The following UNKL variants were observed in gnomAD, a reference collection of about 807,000 sequenced individuals.
The protein encoded by UNKL is unk like zinc finger.
In UNKL, 60 loss-of-function variants were observed where a neutral mutation model predicts 78.0. That is an observed-to-expected ratio of 0.77 (90% confidence interval 0.63 to 0.95). The LOEUF (loss-of-function observed/expected upper bound fraction) is 0.95, where lower values mean the gene tolerates loss of function less well. Ranked by LOEUF, UNKL falls within the 40% of genes least tolerant of loss-of-function variation. UNKL has a pLI of 0.00. For synonymous variants in UNKL, 608 were observed against 474.8 expected (o/e 1.28, Z -3.65); for missense variants, 1,159 against 1,045.7 (o/e 1.11, Z -1.49).
chr16:1,411,302 G>A (rs1458778053), intron 2 of UNKL, among the ~76,000 whole-genome samples: 1 of 152,170 alleles, frequency 6.6e-6, no homozygotes, highest in Non-Finnish European at 1.5e-5. Flanking sequence ...AATGAGCTGA[G>A]ATCGTACCAC....
Position 1,363,324 on chromosome 16 carries a change from C to A in UNKL, c.*2916G>T. 2 of 536,300 alleles carry A rather than the reference C, an allele frequency of 3.7e-6. No homozygotes were observed. Among genetic ancestry groups the A allele is most frequent in the Non-Finnish European group, 6.7e-6 (2 of 297,620 alleles). 33.2% of individuals were successfully genotyped at this position (536,300 alleles called of 1,614,324 possible). The stretch of plus-strand genomic sequence containing the variant: ...AAACAAGTGTTAACTTTAAACAGTT[C>A]GCTACAAGTAAATGATTATAAATAC... On this transcript the variant is annotated 3_prime_UTR_variant, in exon 15 of 15. Coordinates refer to ENST00000389221, the MANE Select transcript of UNKL (RefSeq NM_001372107.1).
At position 1,399,294 on chromosome 16, in the gene UNKL, C is replaced by T. The variant is rs2037408955; in HGVS notation, c.734+80G>A. 5 of 1,445,598 alleles carry T rather than the reference C, an allele frequency of 3.5e-6. No individual in the cohort carries two copies. Among genetic ancestry groups the T allele is most frequent in the Non-Finnish European group, 4.5e-6 (5 of 1,100,650 alleles). The allele number at this position is 1,445,598 out of a possible 1,614,324, so 89.5% of individuals were successfully genotyped here. On this transcript the variant is annotated intron_variant, in intron 5 of 14. Coordinates refer to ENST00000389221, the MANE Select transcript of UNKL (RefSeq NM_001372107.1). The surrounding 1 kb of genome is among the most constrained non-coding windows in gnomAD (Gnocchi z 5.8). ...CAAGGGCAGCCCTCCCATTAGAACC[C>T]CGGGGTGGGCAACGCGAGCCACGGG...
At chr16:1,401,765 C>A in intron 3 of UNKL, 64 bp from the exon 4 acceptor site, 1 of 1,541,400 alleles carries the variant, frequency 6.5e-7, no homozygotes, top group South Asian at 1.2e-5. Context: ...GAAACGAGGT[C>A]ACTGGAGGGC....
In UNKL at chr16:1,370,161, C is replaced by T. The variant is rs2035682832; in HGVS notation, c.1554G>A (p.Leu518=). 1 of 1,515,812 alleles carries T rather than the reference C, an allele frequency of 6.6e-7. No homozygotes were observed. The highest frequency in any genetic ancestry group is 1.2e-5 in the South Asian group (1 of 80,158). 93.9% of individuals were successfully genotyped at this position (1,515,812 alleles called of 1,614,324 possible). Residue 518 remains leucine, a synonymous_variant, in exon 12 of 15, where the codon CTG becomes CTA. Coordinates refer to ENST00000389221, the MANE Select transcript of UNKL (RefSeq NM_001372107.1). ...GGCTGTAGGATGAGGCTGCAGAGCC[C>T]AGTGTGCCCGGCTCTGAACGCAGGG... ...PPPLRSEPGT[L]GSAASSYSPL...
At chr16:1,408,151 C>A (rs1433804513) in intron 2 of UNKL, among the ~76,000 whole-genome samples, 4 of 152,160 alleles carry the variant, frequency 2.6e-5, no homozygotes, top group African/African-American at 9.7e-5. Flanking sequence ...CCCGGGGTCC[C>A]GCGGGGCGCC....
In UNKL at chr16:1,364,780, G is replaced by T. The variant is rs996829311; in HGVS notation, c.*1460C>A. On this transcript the variant is annotated 3_prime_UTR_variant, in exon 15 of 15. Transcript: ENST00000389221. Reference sequence around the variant, plus strand: ...GCTCCGATGATAACTGGCAGCGCGGGTCAGGTGACTGCCACATACACCCGG... The same window carrying T: ...GCTCCGATGATAACTGGCAGCGCGGTTCAGGTGACTGCCACATACACCCGG... The T allele has an allele frequency of 6.6e-6, 1 of 152,166 alleles. No individual in the cohort carries two copies. The highest frequency in any genetic ancestry group is 1.9e-4 in the East Asian group (1 of 5,190). The allele number at this position is 152,166 out of a possible 1,614,324, so 9.4% of individuals were successfully genotyped here. A position where few individuals can be genotyped will look rare whatever the true frequency, so the allele number is the denominator to read the frequency against.
At chr16:1,405,985 G>C in intron 2 of UNKL, 1 of 456,764 alleles carries the variant, frequency 2.2e-6, no homozygotes, top group South Asian at 1.5e-5. Flanking sequence ...TCACCTAGGA[G>C]GCCCGTGGCC....
intron 10 of UNKL, among the ~76,000 whole-genome samples, chr16:1,381,420 G>T (rs1376338157): frequency 6.6e-6 from 1 of 152,214 alleles, no homozygotes; most frequent in African/African-American, 2.4e-5. Flanking sequence ...AGGAGTTTGA[G>T]ACCAGCCTGG....
intron 12 of UNKL, chr16:1,369,884 A>G (rs1596649139): frequency 6.8e-7 from 1 of 1,471,236 alleles, no homozygotes; most frequent in South Asian, 1.2e-5. Context: ...CTGAGGCAGG[A>G]GAATTGCTTG....
Position 1,364,497 on chromosome 16 carries a change from C to T in UNKL, c.*1743G>A, listed in dbSNP as rs3826051. The T allele has an allele frequency of 0.35, 53,500 of 152,212 alleles. 10,551 individuals carry two copies. The highest frequency in any genetic ancestry group is 0.52 in the Admixed American group (7,909 of 15,296). The allele number at this position is 152,212 out of a possible 1,614,324, so 9.4% of individuals were successfully genotyped here. ...CGTGGCCCGCGGAGAGCCAGGTCGC[C>T]GTAAACCACAGATGCCTGTTCCTGC... On this transcript the variant is annotated 3_prime_UTR_variant, in exon 15 of 15. Coordinates refer to ENST00000389221, the MANE Select transcript of UNKL (RefSeq NM_001372107.1).
intron 10 of UNKL, among the ~76,000 whole-genome samples, chr16:1,376,406 C>T (rs1406699037): frequency 6.6e-6 from 1 of 150,384 alleles, no homozygotes; most frequent in East Asian, 2.0e-4. Context: ...CCTCCTCCCT[C>T]CTCTGAGGGC....
At chr16:1,407,074 G>A (rs1281755885) in intron 2 of UNKL, among the ~76,000 whole-genome samples, 2 of 151,824 alleles carry the variant, frequency 1.3e-5, no homozygotes, top group Admixed American at 6.6e-5. Flanking sequence ...ACTTGAACCC[G>A]GGAGGTGGAT....
At chr16:1,398,681 A>AACCCCCCC in intron 5 of UNKL, 1 of 694,530 alleles carries the variant, frequency 1.4e-6, no homozygotes, top group South Asian at 2.2e-5. Context: ...TGGGGTCTGC[A>AACCCCCCC]CCCCCCCACC....
intron 11 of UNKL, 35 bp downstream of exon 11, chr16:1,371,484 G>A (rs1417765919): frequency 2.0e-6 from 3 of 1,530,114 alleles, no homozygotes; most frequent in Admixed American, 3.9e-5. Flanking sequence ...TTCAGCGGCT[G>A]GAGGAGCAGG....
chr16:1,379,454 T>G, intron 10 of UNKL: 25 of 982,602 alleles, frequency 2.5e-5, no homozygotes, highest in Non-Finnish European at 2.9e-5. Context: ...GGCGACGCCT[T>G]CGCCTCGCTC....
chr16:1,399,539 A>G lies in UNKL; in HGVS notation c.599-30T>C. 6.4e-6 allele frequency: 10 copies of G among 1,572,982 alleles called. No individual in the cohort carries two copies. Among genetic ancestry groups the G allele is most frequent in the Non-Finnish European group, 8.6e-6 (10 of 1,161,394 alleles). On this transcript the variant is annotated intron_variant, in intron 4 of 14. Transcript: ENST00000389221. The surrounding 1 kb of genome is among the most constrained non-coding windows in gnomAD (Gnocchi z 5.8). The stretch of plus-strand genomic sequence containing the variant: ...AAAATGGGCCACACGGTGCCTGAGC[A>G]GCGCGACTGGAAGCAATGCTGGGCA...
intron 9 of UNKL, among the ~76,000 whole-genome samples, chr16:1,390,384 C>A (rs9923746): frequency 2.8e-4 from 42 of 152,330 alleles, no homozygotes; most frequent in African/African-American, 1.0e-3. Context: ...TCCCCGAGCA[C>A]GATGTTGTGG....
At chr16:1,368,608 CAAAAAAAAAAAAAA>C (rs757374554) in intron 12 of UNKL, among the ~76,000 whole-genome samples, 3 of 42,148 alleles carry the variant, frequency 7.1e-5, no homozygotes, top group South Asian at 1.6e-3. Flanking sequence ...GACTCCGTCT[CAAAAAAAAAAAAAA>C]AAAAAAAAAA....
chr16:1,379,619 C>G (rs960369661), intron 10 of UNKL: 30 of 984,956 alleles, frequency 3.0e-5, no homozygotes, highest in Non-Finnish European at 3.4e-5. Context: ...CTGCCACGCG[C>G]TGGGGCCGCC....
Sources: gnomAD v4.1 joint callset for allele counts (sites outside exome capture counted in the v4.1 genomes callset) on GRCh38, gnomAD v4.1.1 for gene constraint, Gnocchi (gnomAD v3.1) non-coding constraint, MANE v1.5 for transcripts, NCBI Gene and HGNC (gene_info 2026-07-23, HGNC 2026-07-21) for gene names.